Variants in ECT2 observed in about 807,000 individuals in gnomAD.
ECT2 encodes the protein epithelial cell transforming 2.
In ECT2, 61 loss-of-function variants were observed where a neutral mutation model predicts 116.9. The observed-to-expected ratio is 0.52, with a 90% CI of 0.42 to 0.65. The LOEUF is 0.65. Among genes scored for constraint, ECT2 ranks in the 30% least tolerant of loss-of-function variants. The pLI, the probability that ECT2 is intolerant of heterozygous loss-of-function variation, is 0.00. For synonymous variants in ECT2, 358 were observed against 346.4 expected, an observed-to-expected ratio of 1.03 and a Z score of -0.37; for missense variants, 937 against 1,078.7, an observed-to-expected ratio of 0.87 and a Z score of 1.84.
At chr3:172,771,777 A>G (rs949726081) in intron 13 of ECT2, among the ~76,000 whole-genome samples, 18 of 152,188 alleles carry the variant, frequency 1.2e-4, no homozygotes, top group Non-Finnish European at 1.5e-5. Context: ...TGAAGATCTG[A>G]ACTTTTTAGG....
intron 1 of ECT2, chr3:172,751,098 C>T (rs1263697178): frequency 6.6e-6 from 1 of 152,238 alleles, no homozygotes; most frequent in Non-Finnish European, 1.5e-5. Context: ...CACCTGTTGG[C>T]TCTTTTGGAC....
chr3:172,802,529 C>T (rs1164116531), intron 18 of ECT2, 87 bp from the exon 19 acceptor site: 4 of 773,288 alleles, frequency 5.2e-6, no homozygotes, highest in African/African-American at 1.8e-5. Flanking sequence ...ATAAGACATT[C>T]ACATCAAACA....
chr3:172,755,876 C>G (rs1472203068), intron 4 of ECT2, among the ~76,000 whole-genome samples: 1 of 152,134 alleles, frequency 6.6e-6, no homozygotes, highest in African/African-American at 2.4e-5. Context: ...GCTAGGGCTG[C>G]CATAACAAAA....
chr3:172,780,593 C>T (rs1318267154), intron 14 of ECT2, among the ~76,000 whole-genome samples: 2 of 152,152 alleles, frequency 1.3e-5, no homozygotes, highest in African/African-American at 4.8e-5. Context: ...TTACCCAGGC[C>T]GGCCTCAAAC....
intron 21 of ECT2, 194 bp downstream of exon 21, chr3:172,806,063 A>G (rs1201631583): frequency 5.6e-6 from 3 of 538,238 alleles, no homozygotes; most frequent in African/African-American, 1.9e-5. Context: ...TGTTTTCTCA[A>G]ATGAAAGTAC....
the ECT2 span, chr3:172,829,164 G>T: frequency 1.9e-6 from 1 of 514,886 alleles, no homozygotes; most frequent in East Asian, 4.0e-5. Context: ...GTGCCCCAGT[G>T]GTCTGCATTT....
chr3:172,814,798 G>A (rs995801460), intron 22 of ECT2, among the ~76,000 whole-genome samples: 2 of 152,092 alleles, frequency 1.3e-5, no homozygotes, highest in African/African-American at 4.8e-5. Context: ...TTCCTTTGTG[G>A]TGTGAACCTT....
chr3:172,818,694 AC>A, intron 24 of ECT2: 1 of 1,289,154 alleles, frequency 7.8e-7, no homozygotes, highest in Non-Finnish European at 1.0e-6. Flanking sequence ...TTTCAGAGAT[AC>A]TAGAAGGAAA....
intron 14 of ECT2, among the ~76,000 whole-genome samples, chr3:172,774,271 C>T (rs1228278141): frequency 2.6e-5 from 4 of 152,182 alleles, no homozygotes. Context: ...GATCTGGGCT[C>T]ACAGTAACCT....
chr3:172,788,708 T>C (rs1724049905), intron 18 of ECT2, among the ~76,000 whole-genome samples: 1 of 152,234 alleles, frequency 6.6e-6, no homozygotes, highest in African/African-American at 2.4e-5. Flanking sequence ...CTGTGAATTG[T>C]GCAGTAGCAT....
At chr3:172,826,664 C>T in the ECT2 span, among the ~76,000 whole-genome samples, 3 of 152,224 alleles carry the variant, frequency 2.0e-5, no homozygotes, top group Non-Finnish European at 4.4e-5. Flanking sequence ...AGGAAGTCAA[C>T]TACTGTGGCC....
intron 13 of ECT2, among the ~76,000 whole-genome samples, chr3:172,771,649 T>C (rs780816924): frequency 6.6e-6 from 1 of 152,168 alleles, no homozygotes; most frequent in Non-Finnish European, 1.5e-5. Flanking sequence ...GAGAGATCAA[T>C]AATATCTGAC....
At chr3:172,770,002 TG>T (rs1276476870) in intron 13 of ECT2, among the ~76,000 whole-genome samples, 3 of 152,222 alleles carry the variant, frequency 2.0e-5, no homozygotes, top group African/African-American at 7.2e-5. Flanking sequence ...GCCTTTAAGT[TG>T]CTTGTACCAT....
chr3:172,755,264 A>G, intron 2 of ECT2, 31 bp from the exon 3 acceptor site: 5 of 1,548,136 alleles, frequency 3.2e-6, no homozygotes, highest in Non-Finnish European at 4.4e-6. Context: ...TTAATACATG[A>G]TAAACATTGA....
At chr3:172,807,587 T>G (rs981001295) in intron 21 of ECT2, 183 bp from the exon 22 acceptor site, 49 of 582,970 alleles carry the variant, frequency 8.4e-5, no homozygotes, top group Non-Finnish European at 1.4e-4. Context: ...TACTATATTG[T>G]GTTTTCAGTA....
In ECT2 at chr3:172,760,179, T is replaced by G. The variant is rs1383980121; in HGVS notation, c.600T>G (p.His200Gln). The G allele has an allele frequency of 6.2e-7, 1 of 1,610,572 alleles. No homozygotes were observed. Among genetic ancestry groups the G allele is most frequent in the Non-Finnish European group, 8.5e-7 (1 of 1,178,296 alleles). ...EELVRLVTLV[H>Q]HMGGVIRKDF... ...AGGTCAGGTTGGTGACATTGGTCCA[T>G]CACATGGGTGGAGTTATTCGAAAAG... Residue 200 changes from histidine to glutamine, a missense_variant, in exon 7 of 25, where the codon CAT (histidine) becomes CAG (glutamine). His to Gln is a conservative substitution (Grantham distance 24, BLOSUM62 0). Transcript: ENST00000392692.
intron 12 of ECT2, among the ~76,000 whole-genome samples, chr3:172,766,365 A>T (rs1339147717): frequency 6.6e-6 from 1 of 152,256 alleles, no homozygotes; most frequent in Non-Finnish European, 1.5e-5. Context: ...TCTGAACTGT[A>T]TATTGTCATC....
At chr3:172,825,118 TTTTTCA>T (rs1229080463), downstream of ECT2, among the ~76,000 whole-genome samples, 1 of 152,184 alleles carries the variant, frequency 6.6e-6, no homozygotes, top group African/African-American at 2.4e-5. Context: ...TATTTTATAC[TTTTTCA>T]TTATTATAAC....
chr3:172,820,955 T>C lies in ECT2; in HGVS notation c.*718T>C, dbSNP rs1196885799. The stretch of plus-strand genomic sequence containing the variant: ...TAGCTGTTTCAGAGAGAGTACGGTA[T>C]ATTTATGGTAATTTTATCCACTAGC... On this transcript the variant is annotated 3_prime_UTR_variant, in exon 25 of 25. Coordinates refer to ENST00000392692, the MANE Select transcript of ECT2 (RefSeq NM_001258315.2). The C allele has an allele frequency of 2.0e-5, 3 of 151,910 alleles. No individual in the cohort carries two copies. The highest frequency in any genetic ancestry group is 4.4e-5 in the Non-Finnish European group (3 of 67,826). 9.4% of individuals were successfully genotyped at this position (151,910 alleles called of 1,614,324 possible).
Sources: gnomAD v4.1 joint callset for allele counts (sites outside exome capture counted in the v4.1 genomes callset) on GRCh38, gnomAD v4.1.1 for gene constraint, MANE v1.5 for transcripts, NCBI Gene and HGNC (gene_info 2026-07-23, HGNC 2026-07-21) for gene names.